PLCH2: variants seen among roughly 807,000 people sequenced by gnomAD.
The protein encoded by PLCH2 is 1-phosphatidylinositol 4,5-bisphosphate phosphodiesterase eta-2.
In PLCH2, 98 loss-of-function variants were observed where a neutral mutation model predicts 134.7. That is an observed-to-expected ratio of 0.73 (90% CI 0.62 to 0.86). PLCH2 has a LOEUF of 0.86. PLCH2 is among the 40% of genes least tolerant of loss of function. The pLI is 0.00. For synonymous variants in PLCH2, 974 were observed against 827.5 expected, an observed-to-expected ratio of 1.18 and a Z score of -3.04; for missense variants, 1,994 against 1,986.6, an observed-to-expected ratio of 1.00 and a Z score of -0.07.
At chr1:2,437,279 G>A (rs1350378672) in intron 2 of PLCH2, among the ~76,000 whole-genome samples, 1 of 152,114 alleles carries the variant, frequency 6.6e-6, no homozygotes, top group African/African-American at 2.4e-5. Flanking sequence ...CTCTGAGCAC[G>A]GACTCCTGTT....
chr1:2,487,526 G>T, intron 7 of PLCH2, 72 bp from the exon 8 acceptor site: 3 of 1,548,758 alleles, frequency 1.9e-6, no homozygotes, highest in East Asian at 4.6e-5. Flanking sequence ...GCCCTCTTTT[G>T]GTCGAAGCTC....
rs554628268 is a variant in PLCH2 at position 2,487,169 on chromosome 1, G to A, written c.911-4G>A. The A allele has an allele frequency of 1.4e-5, 22 of 1,557,612 alleles. No homozygotes were observed. The highest frequency in any genetic ancestry group is 1.7e-4 in the Middle Eastern group (1 of 6,008). ...CATGGCCCCTATGCCACGCCGTCCT[G>A]CAGGCTTCACCAACTACACCAGGAG... is the stretch of plus-strand genomic sequence containing the variant. On this transcript the variant is annotated splice_region_variant and splice_polypyrimidine_tract_variant and intron_variant, in intron 6 of 21. Coordinates refer to ENST00000378486, the MANE Select transcript of PLCH2 (RefSeq NM_014638.4).
At chr1:2,463,653 C>T (rs1004989075), upstream of PLCH2, among the ~76,000 whole-genome samples, 3 of 152,318 alleles carry the variant, frequency 2.0e-5, no homozygotes, top group Non-Finnish European at 4.4e-5. Flanking sequence ...TCAGAGCCCG[C>T]GACCCGAGAA....
intron 2 of PLCH2, among the ~76,000 whole-genome samples, chr1:2,431,330 CGTGTGT>C (rs35263617): frequency 6.6e-6 from 1 of 151,110 alleles, no homozygotes; most frequent in Admixed American, 6.6e-5. Context: ...TGCCCAAGTG[CGTGTGT>C]GTGTGTGTGT....
At chr1:2,470,125 C>G (rs1006628246) in intron 1 of PLCH2, among the ~76,000 whole-genome samples, 2 of 152,220 alleles carry the variant, frequency 1.3e-5, no homozygotes, top group Non-Finnish European at 2.9e-5. Flanking sequence ...ACCGCTCAGA[C>G]CTGGCGACCC....
chr1:2,433,985 C>A (rs922551257), intron 2 of PLCH2, among the ~76,000 whole-genome samples: 10 of 49,098 alleles, frequency 2.0e-4, no homozygotes, highest in Non-Finnish European at 5.1e-4. Context: ...AGTGCAGTCT[C>A]CCCGGGCACC....
intron 2 of PLCH2, among the ~76,000 whole-genome samples, chr1:2,431,100 G>C (rs2100484407): frequency 6.6e-6 from 1 of 152,308 alleles, no homozygotes; most frequent in Non-Finnish European, 1.5e-5. Context: ...CTGCTGGGAT[G>C]CCCTGGAGTG....
intron 1 of PLCH2, among the ~76,000 whole-genome samples, chr1:2,477,214 C>A (rs539859690): frequency 3.3e-5 from 5 of 152,244 alleles, no homozygotes; most frequent in Admixed American, 1.3e-4. Context: ...TCTGTTCCAG[C>A]GGCAGACAGG....
At chr1:2,454,250 T>C (rs769566760) in intron 2 of PLCH2, among the ~76,000 whole-genome samples, 1 of 152,054 alleles carries the variant, frequency 6.6e-6, no homozygotes, top group African/African-American at 2.4e-5. Flanking sequence ...GCCTGGGCCC[T>C]CCAGTTCCCC....
chr1:2,473,072 G>A (rs192317600), upstream of PLCH2, among the ~76,000 whole-genome samples: 7 of 152,160 alleles, frequency 4.6e-5, no homozygotes, highest in South Asian at 4.2e-4. Context: ...GGACAAGATC[G>A]ATCTCCGCCA....
chr1:2,463,594 G>A (rs1051409425), upstream of PLCH2, among the ~76,000 whole-genome samples: 8 of 152,206 alleles, frequency 5.3e-5, no homozygotes, highest in African/African-American at 1.7e-4. Flanking sequence ...GGTTTCTCAG[G>A]GCTCTGCTCC....
At position 2,498,750 on chromosome 1, in the gene PLCH2, G is replaced by T. The variant is rs754189300; in HGVS notation, c.2356G>T (p.Asp786Tyr). The T allele has an allele frequency of 6.2e-7, 1 of 1,609,614 alleles. No homozygotes were observed. Among genetic ancestry groups the T allele is most frequent in the Non-Finnish European group, 8.5e-7 (1 of 1,178,352 alleles). The change falls in exon 18 of 22, where the codon GAC becomes TAC. Residue 786 changes from aspartate to tyrosine, a missense_variant. Physicochemically the swap from Asp to Tyr is radical, Grantham distance 160. Coordinates refer to ENST00000378486, the MANE Select transcript of PLCH2 (RefSeq NM_014638.4). This position sits in a 1 kb window ranked among gnomAD's most constrained non-coding sequence, Gnocchi z 5.4. The stretch of plus-strand genomic sequence containing the variant: ...CCCCACTCCTGTGTCCCAGATCATC[G>T]ACCCCTTTGTGGAGGTGGAGATCAT... ...SMLGDRGEIIDPFVEVEIIGL... is the reference protein window; with the variant it reads ...SMLGDRGEIIYPFVEVEIIGL...
intron 21 of PLCH2, chr1:2,502,964 C>A: frequency 1.4e-6 from 1 of 717,016 alleles, no homozygotes; most frequent in East Asian, 2.7e-5. Context: ...CATGGCTGGG[C>A]CTGGGTCACC....
intron 8 of PLCH2, 146 bp downstream of exon 8, chr1:2,487,864 T>A: frequency 1.3e-6 from 1 of 776,058 alleles, no homozygotes; most frequent in Non-Finnish European, 2.0e-6. Context: ...CTGGCATCTC[T>A]GGTTGAGGAG....
rs1643012627 is a variant in PLCH2, at chr1:2,498,399, C to G, written c.2225-124C>G. 1.8e-6 allele frequency: 2 copies of G among 1,127,510 alleles called. No homozygotes were observed. The allele number at this position is 1,127,510 out of a possible 1,614,324, so 69.8% of individuals were successfully genotyped here. ...CCCTGGACCACTGCCTCCCTCCCTC[C>G]CCCTGGCACCGGCTCCAGTCTCCTA... On this transcript the variant is annotated intron_variant, in intron 16 of 21. Transcript: ENST00000378486. This position sits in a 1 kb window ranked among gnomAD's most constrained non-coding sequence, Gnocchi z 5.4.
intron 1 of PLCH2, among the ~76,000 whole-genome samples, chr1:2,427,850 C>T (rs1282049294): frequency 6.6e-6 from 1 of 152,146 alleles, no homozygotes; most frequent in African/African-American, 2.4e-5. Flanking sequence ...CCGGCTTGGA[C>T]TCGCTGGCCC....
At chr1:2,467,671 G>A (rs1482975853) in intron 1 of PLCH2, 1 of 410,646 alleles carries the variant, frequency 2.4e-6, no homozygotes, top group South Asian at 8.3e-5. Flanking sequence ...AGGTAAGGGG[G>A]CAGGTGGGAT....
intron 2 of PLCH2, among the ~76,000 whole-genome samples, chr1:2,431,751 C>T (rs1570218371): frequency 6.6e-6 from 1 of 152,182 alleles, no homozygotes; most frequent in African/African-American, 2.4e-5. Flanking sequence ...CAGTCCCTGC[C>T]TCTCCGTTCC....
rs561389337 is a variant in PLCH2 at position 2,498,736 on chromosome 1, T to C, written c.2350-8T>C. 3 of 1,605,794 alleles carry C rather than the reference T, an allele frequency of 1.9e-6. No individual in the cohort carries two copies. The highest frequency in any genetic ancestry group is 4.5e-5 in the East Asian group (2 of 44,586). On this transcript the variant is annotated splice_region_variant and splice_polypyrimidine_tract_variant and intron_variant, in intron 17 of 21. Coordinates refer to ENST00000378486, the MANE Select transcript of PLCH2 (RefSeq NM_014638.4). The surrounding 1 kb of genome is among the most constrained non-coding windows in gnomAD (Gnocchi z 5.4). ...GGCCCTGATGCCACCCCCACTCCTG[T>C]GTCCCAGATCATCGACCCCTTTGTG...
Sources: gnomAD v4.1 joint callset for allele counts (sites outside exome capture counted in the v4.1 genomes callset) on GRCh38, gnomAD v4.1.1 for gene constraint, Gnocchi (gnomAD v3.1) non-coding constraint, MANE v1.5 for transcripts, NCBI Gene and HGNC (gene_info 2026-07-23, HGNC 2026-07-21) for gene names.